Variants in DLG2 observed in about 807,000 individuals in gnomAD.
The protein encoded by DLG2 is discs large MAGUK scaffold protein 2, also known as disks large homolog 2.
Under a neutral mutation model 132.5 loss-of-function variants are expected in DLG2, and 45 were observed. The ratio of observed to expected loss-of-function variants is 0.34; its 90% CI spans 0.27 to 0.44. The LOEUF (loss-of-function observed/expected upper bound fraction) is 0.44, where lower values mean the gene tolerates loss of function less well. Among genes scored for constraint, DLG2 ranks in the 20% least tolerant of loss-of-function variants. The probability of loss-of-function intolerance (pLI) is 1.00; values close to 1 mark genes in which losing one functional copy is unlikely to be tolerated. For synonymous variants in DLG2, 424 were observed against 419.6 expected (o/e 1.01, Z -0.13); for missense variants, 1,045 against 1,196.9 (o/e 0.87, Z 1.87).
intron 3 of DLG2, among the ~76,000 whole-genome samples, chr11:85,432,620 A>C (rs1385886290): frequency 6.6e-6 from 1 of 152,094 alleles, no homozygotes; most frequent in Non-Finnish European, 1.5e-5. Context: ...AAGACTAGAG[A>C]AAAAACAATG....
chr11:85,289,813 T>A (rs2078781857), intron 3 of DLG2, among the ~76,000 whole-genome samples: 1 of 152,160 alleles, frequency 6.6e-6, no homozygotes, highest in African/African-American at 2.4e-5. Context: ...TGTATCCAAA[T>A]CCCATACTTT....
At chr11:85,031,959 T>C (rs1294254440) in intron 6 of DLG2, among the ~76,000 whole-genome samples, 1 of 140,464 alleles carries the variant, frequency 7.1e-6, no homozygotes, top group Non-Finnish European at 1.5e-5. Flanking sequence ...TTTTTTTTTT[T>C]TTTTTTTTTT....
At chr11:84,029,056 A>G (rs974991149) in intron 11 of DLG2, among the ~76,000 whole-genome samples, 1 of 152,160 alleles carries the variant, frequency 6.6e-6, no homozygotes, top group East Asian at 1.9e-4. Flanking sequence ...TCTAAAAGTC[A>G]GGATATGGCA....
At chr11:83,841,574 G>C (rs1463139988) in intron 16 of DLG2, among the ~76,000 whole-genome samples, 1 of 152,158 alleles carries the variant, frequency 6.6e-6, no homozygotes, top group African/African-American at 2.4e-5. Context: ...TTTCTAGCTA[G>C]AGTGAGCAAC....
chr11:84,678,294 A>C (rs1208259654), intron 6 of DLG2, among the ~76,000 whole-genome samples: 1 of 152,002 alleles, frequency 6.6e-6, no homozygotes, highest in East Asian at 1.9e-4. Context: ...AACTTTTTTC[A>C]CTGGATGTTT....
At chr11:84,840,367 T>A (rs976398997) in intron 6 of DLG2, among the ~76,000 whole-genome samples, 2 of 152,162 alleles carry the variant, frequency 1.3e-5, no homozygotes, top group Admixed American at 6.6e-5. Context: ...TGTGGAGATA[T>A]AGGAATGCTT....
At chr11:84,524,850 C>CT (rs574933795) in intron 7 of DLG2, among the ~76,000 whole-genome samples, 173 of 120,752 alleles carry the variant, frequency 1.4e-3, no homozygotes, top group Non-Finnish European at 1.6e-3. Flanking sequence ...TAGGGTATTT[C>CT]TTTTTTTTTT....
intron 10 of DLG2, among the ~76,000 whole-genome samples, chr11:84,066,335 C>A (rs975981913): frequency 6.6e-6 from 1 of 152,200 alleles, no homozygotes; most frequent in African/African-American, 2.4e-5. Flanking sequence ...CCCTTGCCCA[C>A]AGTAAAACTT....
chr11:83,762,580 T>C (rs2093954528), intron 18 of DLG2, among the ~76,000 whole-genome samples: 2 of 150,516 alleles, frequency 1.3e-5, no homozygotes, highest in African/African-American at 2.5e-5. Flanking sequence ...GATTAAGTAT[T>C]AATTTTTTTT....
intron 21 of DLG2, among the ~76,000 whole-genome samples, chr11:83,487,917 A>G (rs1197717582): frequency 6.6e-6 from 1 of 151,964 alleles, no homozygotes; most frequent in East Asian, 1.9e-4. Flanking sequence ...AGAGCTGGGG[A>G]TAGTGGGCAC....
intron 11 of DLG2, among the ~76,000 whole-genome samples, chr11:84,002,599 C>T (rs2094406097): frequency 6.6e-6 from 1 of 152,176 alleles, no homozygotes; most frequent in African/African-American, 2.4e-5. Context: ...ATGGTCTGAG[C>T]TCTACGTTGG....
intron 3 of DLG2, among the ~76,000 whole-genome samples, chr11:85,500,697 A>G (rs1366785833): frequency 2.0e-5 from 3 of 152,224 alleles, no homozygotes; most frequent in Non-Finnish European, 4.4e-5. Flanking sequence ...AGTACTTAGG[A>G]ATACAACTTA....
intron 7 of DLG2, among the ~76,000 whole-genome samples, chr11:84,479,788 C>T (rs573040245): frequency 1.3e-5 from 2 of 152,096 alleles, no homozygotes; most frequent in Admixed American, 6.5e-5. Flanking sequence ...GGTAGGAAGA[C>T]TTAGTTTAAA....
intron 3 of DLG2, among the ~76,000 whole-genome samples, chr11:85,466,403 G>A (rs985083986): frequency 6.6e-6 from 1 of 152,072 alleles, no homozygotes; most frequent in African/African-American, 2.4e-5. Flanking sequence ...TGTCCTGAAT[G>A]GTATTGCCTA....
intron 7 of DLG2, among the ~76,000 whole-genome samples, chr11:84,423,671 G>C (rs139676089): frequency 1.3e-5 from 2 of 152,152 alleles, no homozygotes; most frequent in Admixed American, 1.3e-4. Flanking sequence ...GCTCTTAAAT[G>C]AATTCATTTA....
intron 7 of DLG2, among the ~76,000 whole-genome samples, chr11:84,451,656 T>A (rs895281001): frequency 6.6e-6 from 1 of 151,782 alleles, no homozygotes; most frequent in Non-Finnish European, 1.5e-5. Flanking sequence ...AACCTGTTTA[T>A]AAGCAATGGG....
chr11:83,776,767 C>G (rs1206420031), intron 18 of DLG2, among the ~76,000 whole-genome samples: 1 of 152,162 alleles, frequency 6.6e-6, no homozygotes, highest in Non-Finnish European at 1.5e-5. Flanking sequence ...AATACTCTTC[C>G]TCCTTTTTCT....
chr11:84,323,720 CTTTTTTT>C (rs35283044), intron 7 of DLG2, among the ~76,000 whole-genome samples: 50 of 123,770 alleles, frequency 4.0e-4, no homozygotes, highest in Non-Finnish European at 5.2e-4. Context: ...TTCTTTTTTC[CTTTTTTT>C]TTTTTTTTTT....
At chr11:84,511,976 A>G (rs1423053979) in intron 7 of DLG2, among the ~76,000 whole-genome samples, 4 of 152,140 alleles carry the variant, frequency 2.6e-5, no homozygotes, top group Non-Finnish European at 5.9e-5. Context: ...CAATTAGGTA[A>G]CACGCTCGAG....
Sources: gnomAD v4.1 joint callset for allele counts (sites outside exome capture counted in the v4.1 genomes callset) on GRCh38, gnomAD v4.1.1 for gene constraint, MANE v1.5 for transcripts, NCBI Gene and HGNC (gene_info 2026-07-23, HGNC 2026-07-21) for gene names.